Variants in HERC4 observed in about 807,000 individuals in gnomAD.
HERC4 encodes the protein probable E3 ubiquitin-protein ligase HERC4.
HERC4 carries 28 observed loss-of-function variants against 124.3 expected under a neutral mutation model. The ratio of observed to expected loss-of-function variants is 0.23; its 90% CI spans 0.17 to 0.31. The LOEUF (loss-of-function observed/expected upper bound fraction) is 0.31, where lower values mean the gene tolerates loss of function less well. HERC4 is among the 10% of genes least tolerant of loss of function. HERC4 has a pLI of 1.00. For synonymous variants in HERC4, 407 were observed against 421.5 expected (o/e 0.97, Z 0.42); for missense variants, 713 against 1,229.3 (o/e 0.58, Z 6.28).
At chr10:67,951,627 C>T (rs183432977) in intron 19 of HERC4, among the ~76,000 whole-genome samples, 36 of 152,336 alleles carry the variant, frequency 2.4e-4, no homozygotes, top group African/African-American at 8.7e-4. Flanking sequence ...TCCTCTGCAG[C>T]TCTCACAAAT....
chr10:68,057,481 G>A (rs1055108850), intron 3 of HERC4, among the ~76,000 whole-genome samples: 13 of 151,646 alleles, frequency 8.6e-5, no homozygotes, highest in Middle Eastern at 3.2e-3. Flanking sequence ...AAAATTAGCC[G>A]TGCGTGGTGG....
In HERC4 at chr10:68,008,188, G is replaced by GT. The variant is rs1490113886; in HGVS notation, c.1069+5837dup. 6.6e-5 allele frequency among the ~76,000 whole-genome samples: 10 copies of GT among 152,264 alleles called. No homozygotes were observed. In the East Asian group the frequency reaches 1.9e-3, roughly 29 times the overall value. ...TCTCTCTGTGCTGAGATTCTTAATA[G>GT]TTGGGGTAGAGGTGATGCAAGCACT... On this transcript the variant is annotated intron_variant, in intron 9 of 24. Coordinates refer to ENST00000373700, the MANE Select transcript of HERC4 (RefSeq NM_015601.4).
chr10:68,069,918 T>C, intron 3 of HERC4: 2 of 388,086 alleles, frequency 5.2e-6, no homozygotes, highest in Non-Finnish European at 7.0e-6. Flanking sequence ...GGCACGCCCC[T>C]ATAGTCCCAC....
chr10:67,963,732 T>C (rs763004912), intron 16 of HERC4, among the ~76,000 whole-genome samples: 5 of 152,168 alleles, frequency 3.3e-5, no homozygotes, highest in Non-Finnish European at 7.3e-5. Context: ...GGTACCCTGG[T>C]TGGTGTGTGA....
intron 3 of HERC4, among the ~76,000 whole-genome samples, chr10:68,061,204 C>G (rs906137708): frequency 1.3e-5 from 2 of 152,170 alleles, no homozygotes; most frequent in East Asian, 1.9e-4. Context: ...GTCATTGCAC[C>G]TTCTGACTGC....
chr10:67,940,425 T>G (rs1264671006), intron 20 of HERC4, among the ~76,000 whole-genome samples: 1 of 151,848 alleles, frequency 6.6e-6, no homozygotes, highest in Non-Finnish European at 1.5e-5. Flanking sequence ...AATTTAGTCT[T>G]TCTTTTTTTT....
intron 5 of HERC4, among the ~76,000 whole-genome samples, chr10:68,036,975 A>C (rs1397144738): frequency 6.6e-6 from 1 of 151,954 alleles, no homozygotes; most frequent in Non-Finnish European, 1.5e-5. Flanking sequence ...ATGATCCCTA[A>C]ACCTGTCTCT....
chr10:67,957,907 A>C (rs1277116507), intron 16 of HERC4, among the ~76,000 whole-genome samples: 1 of 152,074 alleles, frequency 6.6e-6, no homozygotes, highest in Non-Finnish European at 1.5e-5. Context: ...TCTGGGGTTC[A>C]AGCGATTCTC....
At chr10:68,043,214 TAAA>T (rs2039856854) in intron 4 of HERC4, among the ~76,000 whole-genome samples, 1 of 151,954 alleles carries the variant, frequency 6.6e-6, no homozygotes, top group Non-Finnish European at 1.5e-5. Context: ...ACTGGTAGAG[TAAA>T]AATAAAGGAA....
intron 4 of HERC4, chr10:68,039,952 T>G (rs2039678313): frequency 2.3e-6 from 2 of 851,126 alleles, no homozygotes; most frequent in South Asian, 5.2e-5. Flanking sequence ...TCAGAGCATT[T>G]ATCGCTACTA....
chr10:68,056,834 G>A (rs909696030), intron 3 of HERC4, among the ~76,000 whole-genome samples: 3 of 152,070 alleles, frequency 2.0e-5, no homozygotes, highest in Admixed American at 2.0e-4. Flanking sequence ...TTAGCTATTT[G>A]CAAAGGAAAT....
intron 23 of HERC4, among the ~76,000 whole-genome samples, chr10:67,928,243 A>T (rs1274506161): frequency 6.6e-6 from 1 of 152,138 alleles, no homozygotes; most frequent in Non-Finnish European, 1.5e-5. Context: ...CTAAAGGGTG[A>T]TGAGAAGCTG....
intron 15 of HERC4, among the ~76,000 whole-genome samples, chr10:67,982,768 C>T (rs770259143): frequency 1.1e-4 from 16 of 152,040 alleles, no homozygotes; most frequent in Admixed American, 6.6e-4. Context: ...GAAAAAAATG[C>T]AATAATCCAA....
chr10:67,986,333 A>G (rs772653262), intron 15 of HERC4, among the ~76,000 whole-genome samples: 14 of 152,328 alleles, frequency 9.2e-5, no homozygotes, highest in Non-Finnish European at 1.5e-4. Flanking sequence ...TCTTATGAAT[A>G]TATAATAACT....
At chr10:67,946,414 TG>T (rs908446078) in intron 19 of HERC4, among the ~76,000 whole-genome samples, 9 of 145,404 alleles carry the variant, frequency 6.2e-5, no homozygotes, top group African/African-American at 1.0e-4. Context: ...AATGATCTGC[TG>T]CCTAGAAGAA....
intron 16 of HERC4, among the ~76,000 whole-genome samples, chr10:67,960,319 T>G (rs548791356): frequency 6.6e-6 from 1 of 152,188 alleles, no homozygotes; most frequent in Admixed American, 6.5e-5. Context: ...GACTCTGCCC[T>G]GTGTGTTTCT....
chr10:67,966,794 C>T lies in HERC4; in HGVS notation c.1815G>A (p.Glu605=). 6.5e-7 allele frequency: 1 copy of T among 1,540,488 alleles called. No homozygotes were observed. Among genetic ancestry groups the T allele is most frequent in the Non-Finnish European group, 8.8e-7 (1 of 1,141,298 alleles). ...KVLEILHRVN[E]KMGQIIQYDK... is the part of the protein sequence containing the mutation. ...CATACTGTATAATCTGTCCCATTTT[C>T]TCATTTACCTACAAAAGAAAATGTA... Residue 605 remains glutamate, a synonymous_variant, in exon 16 of 25, where the codon GAG becomes GAA. Coordinates refer to ENST00000373700, the MANE Select transcript of HERC4 (RefSeq NM_015601.4).
At chr10:68,053,827 T>G (rs1238473634) in intron 3 of HERC4, among the ~76,000 whole-genome samples, 1 of 152,196 alleles carries the variant, frequency 6.6e-6, no homozygotes, top group Non-Finnish European at 1.5e-5. Flanking sequence ...TCATTTTATA[T>G]AGAGAACAAA....
intron 8 of HERC4, among the ~76,000 whole-genome samples, chr10:68,022,065 G>C (rs1205533281): frequency 6.6e-6 from 1 of 152,046 alleles, no homozygotes; most frequent in Non-Finnish European, 1.5e-5. Context: ...AAATTCTTAG[G>C]AATTAACAAG....
Sources: gnomAD v4.1 joint callset for allele counts (sites outside exome capture counted in the v4.1 genomes callset) on GRCh38, gnomAD v4.1.1 for gene constraint, MANE v1.5 for transcripts, NCBI Gene and HGNC (gene_info 2026-07-23, HGNC 2026-07-21) for gene names.